UMAD1: variants seen among roughly 807,000 people sequenced by gnomAD.
UMAD1 encodes UBAP1-MVB12-associated (UMA)-domain containing protein 1.
A neutral mutation model predicts 6.1 loss-of-function variants in UMAD1; 8 were observed. That is an observed-to-expected ratio of 1.30 (90% CI 0.76 to 2.35). The LOEUF (loss-of-function observed/expected upper bound fraction) is 2.35, where lower values mean the gene tolerates loss of function less well. Among genes scored for constraint, UMAD1 ranks in the 30% most tolerant of loss-of-function variants. The pLI is 0.00. For synonymous variants in UMAD1, 56 were observed against 31.4 expected (o/e 1.78, Z -2.61); for missense variants, 130 against 78.4 (o/e 1.66, Z -2.49).
chr7:7,834,902 G>A (rs1783536589), intron 3 of UMAD1, among the ~76,000 whole-genome samples: 1 of 152,136 alleles, frequency 6.6e-6, no homozygotes, highest in Non-Finnish European at 1.5e-5. Context: ...AGGGCAGAAG[G>A]CGAAGGGGAA....
chr7:7,756,620 C>G (rs1781784238), intron 2 of UMAD1, among the ~76,000 whole-genome samples: 1 of 152,148 alleles, frequency 6.6e-6, no homozygotes, highest in African/African-American at 2.4e-5. Flanking sequence ...CTATTGTCTC[C>G]CACATCATGG....
chr7:7,820,575 T>A (rs1023162727), intron 3 of UMAD1, among the ~76,000 whole-genome samples: 2 of 152,228 alleles, frequency 1.3e-5, no homozygotes, highest in African/African-American at 4.8e-5. Flanking sequence ...CTAATGATCA[T>A]CTATGCTTCA....
At chr7:7,757,367 C>A (rs1160261417) in intron 2 of UMAD1, among the ~76,000 whole-genome samples, 1 of 152,146 alleles carries the variant, frequency 6.6e-6, no homozygotes, top group African/African-American at 2.4e-5. Context: ...AAACATTCCC[C>A]TTGGAATTGC....
intron 3 of UMAD1, among the ~76,000 whole-genome samples, chr7:7,814,169 A>G (rs1783081286): frequency 6.6e-6 from 1 of 152,076 alleles, no homozygotes; most frequent in Non-Finnish European, 1.5e-5. Context: ...TATTTTTAGT[A>G]GAGATGTATT....
chr7:7,722,010 G>T (rs1296089190), intron 2 of UMAD1, among the ~76,000 whole-genome samples: 2 of 152,042 alleles, frequency 1.3e-5, no homozygotes, highest in African/African-American at 4.8e-5. Flanking sequence ...TCCCATGCTG[G>T]ATGCTTCCTG....
At chr7:7,829,611 C>G (rs1484308091) in intron 3 of UMAD1, among the ~76,000 whole-genome samples, 1 of 152,124 alleles carries the variant, frequency 6.6e-6, no homozygotes. Flanking sequence ...TGAAATAGCA[C>G]TTTATATTTT....
intron 3 of UMAD1, among the ~76,000 whole-genome samples, chr7:7,849,157 T>C (rs1233656590): frequency 2.0e-5 from 3 of 152,156 alleles, no homozygotes; most frequent in African/African-American, 7.2e-5. Context: ...GTATTGAGGA[T>C]CTTTGCCAAC....
intron 3 of UMAD1, among the ~76,000 whole-genome samples, chr7:7,808,653 T>G (rs1782966485): frequency 6.6e-6 from 1 of 152,014 alleles, no homozygotes. Context: ...TATTTGTAAC[T>G]GCAGTTTTTT....
intron 2 of UMAD1, among the ~76,000 whole-genome samples, chr7:7,717,060 C>CTTT (rs766644906): frequency 0.011 from 1,545 of 141,584 alleles, 46 homozygotes; most frequent in African/African-American, 0.036. Context: ...TTCTTTTTTT[C>CTTT]TTTTTTTTTT....
chr7:7,786,105 A>T (rs546489386), intron 2 of UMAD1, among the ~76,000 whole-genome samples: 1 of 152,232 alleles, frequency 6.6e-6, no homozygotes, highest in Admixed American at 6.5e-5. Context: ...CTGAGTGTGC[A>T]TTTCATAAAA....
intron 2 of UMAD1, among the ~76,000 whole-genome samples, chr7:7,680,657 C>T (rs1326939542): frequency 2.6e-5 from 4 of 151,630 alleles, no homozygotes; most frequent in Non-Finnish European, 4.4e-5. Context: ...AATACTGATT[C>T]TTCCAATCCA....
chr7:7,840,999 TG>T (rs1783669853), intron 3 of UMAD1, among the ~76,000 whole-genome samples: 1 of 152,198 alleles, frequency 6.6e-6, no homozygotes, highest in Non-Finnish European at 1.5e-5. Context: ...GACAGCTGGT[TG>T]CTATTTTCCT....
chr7:7,810,463 TGA>T (rs1783000641), intron 3 of UMAD1, among the ~76,000 whole-genome samples: 1 of 152,178 alleles, frequency 6.6e-6, no homozygotes, highest in Non-Finnish European at 1.5e-5. Context: ...ACACTGATGA[TGA>T]GTTTTCAATA....
chr7:7,784,818 G>A (rs1231664356), intron 2 of UMAD1, among the ~76,000 whole-genome samples: 5 of 128,024 alleles, frequency 3.9e-5, no homozygotes, highest in East Asian at 4.7e-4. Flanking sequence ...CTGGAGTGCA[G>A]TGGCGCGATC....
chr7:7,700,908 G>A (rs1157153850), intron 2 of UMAD1, among the ~76,000 whole-genome samples: 3 of 151,966 alleles, frequency 2.0e-5, no homozygotes, highest in Non-Finnish European at 4.4e-5. Context: ...CAAAATGCCA[G>A]GCATGGTGGT....
intron 2 of UMAD1, among the ~76,000 whole-genome samples, chr7:7,712,053 A>G (rs1318680751): frequency 6.6e-6 from 1 of 152,002 alleles, no homozygotes; most frequent in Non-Finnish European, 1.5e-5. Context: ...TTACATATAT[A>G]GTATCTTTGG....
At chr7:7,859,132 A>G (rs1369339927) in intron 3 of UMAD1, among the ~76,000 whole-genome samples, 2 of 152,118 alleles carry the variant, frequency 1.3e-5, no homozygotes, top group Admixed American at 1.3e-4. Flanking sequence ...AATCTAATTT[A>G]TTGTTTTCCT....
intron 2 of UMAD1, among the ~76,000 whole-genome samples, chr7:7,774,047 T>A (rs1055258047): frequency 5.9e-5 from 9 of 152,320 alleles, no homozygotes; most frequent in Admixed American, 5.9e-4. Context: ...CCATTCTAAA[T>A]GGCAAACCAT....
intron 3 of UMAD1, among the ~76,000 whole-genome samples, chr7:7,823,602 G>C (rs1037053455): frequency 1.3e-5 from 2 of 151,984 alleles, no homozygotes; most frequent in Non-Finnish European, 2.9e-5. Flanking sequence ...TGGGAATTGG[G>C]CAGGCTCTAT....
Sources: allele counts gnomAD v4.1 joint callset (sites outside exome capture counted in the v4.1 genomes callset), GRCh38; gene constraint gnomAD v4.1.1; transcripts MANE v1.5; gene names NCBI Gene and HGNC (gene_info 2026-07-23, HGNC 2026-07-21).